Variants in RILPL1 observed in about 807,000 individuals in gnomAD.
RILPL1 encodes Rab interacting lysosomal protein like 1.
In RILPL1, 33 loss-of-function variants were observed where a neutral mutation model predicts 50.3. The observed-to-expected ratio is 0.66, with a 90% CI of 0.50 to 0.88. The LOEUF (loss-of-function observed/expected upper bound fraction) is 0.88, where lower values mean the gene tolerates loss of function less well. RILPL1 is among the 40% of genes least tolerant of loss of function. The pLI is 0.00. For synonymous variants in RILPL1, 205 were observed against 228.6 expected (o/e 0.90, Z 0.93); for missense variants, 418 against 542.5 (o/e 0.77, Z 2.28).
At chr12:123,527,611 C>T (rs1016494544) in intron 1 of RILPL1, among the ~76,000 whole-genome samples, 2 of 148,702 alleles carry the variant, frequency 1.3e-5, no homozygotes, top group African/African-American at 2.5e-5. Flanking sequence ...TGCAGTGAGC[C>T]GAGATCATGC....
chr12:123,531,608 T>C (rs1394295856), intron 1 of RILPL1, among the ~76,000 whole-genome samples: 1 of 152,182 alleles, frequency 6.6e-6, no homozygotes, highest in Non-Finnish European at 1.5e-5. Flanking sequence ...CCTCAATGAA[T>C]GTCTCTCCAG....
At chr12:123,499,810 A>G (rs1414437696) in intron 2 of RILPL1, among the ~76,000 whole-genome samples, 1 of 151,890 alleles carries the variant, frequency 6.6e-6, no homozygotes, top group Non-Finnish European at 1.5e-5. Context: ...TTCATTTTTC[A>G]GGCCTCAGCC....
chr12:123,504,926 G>A (rs915326082), intron 2 of RILPL1, among the ~76,000 whole-genome samples: 2 of 152,150 alleles, frequency 1.3e-5, no homozygotes, highest in African/African-American at 2.4e-5. Flanking sequence ...GTGTCACCAC[G>A]GGGCAGACTC....
chr12:123,502,321 G>A (rs1452163622), intron 2 of RILPL1, among the ~76,000 whole-genome samples: 2 of 152,212 alleles, frequency 1.3e-5, no homozygotes, highest in African/African-American at 2.4e-5. Flanking sequence ...GGCAGACGTC[G>A]TAGCAGAAGT....
chr12:123,529,596 T>A (rs1336969001), intron 1 of RILPL1, among the ~76,000 whole-genome samples: 2 of 137,454 alleles, frequency 1.5e-5, no homozygotes, highest in Non-Finnish European at 3.2e-5. Context: ...TTTTTTTTTT[T>A]AATCTATCCT....
intron 2 of RILPL1, among the ~76,000 whole-genome samples, chr12:123,502,125 C>T (rs1028683395): frequency 6.6e-6 from 1 of 150,772 alleles, no homozygotes; most frequent in Non-Finnish European, 1.5e-5. Context: ...GGGAGTAGAG[C>T]GTTGCAATGG....
intron 1 of RILPL1, among the ~76,000 whole-genome samples, chr12:123,529,769 G>A (rs1885384603): frequency 6.6e-6 from 1 of 151,530 alleles, no homozygotes; most frequent in Non-Finnish European, 1.5e-5. Context: ...AGCTACTCAG[G>A]AGGCTGAGGC....
chr12:123,518,219 C>A (rs1040029622), intron 2 of RILPL1, among the ~76,000 whole-genome samples: 1 of 152,094 alleles, frequency 6.6e-6, no homozygotes, highest in Non-Finnish European at 1.5e-5. Flanking sequence ...ATGATTAAGA[C>A]AGGGCCGGGT....
chr12:123,507,768 C>T (rs1417589969), intron 2 of RILPL1, among the ~76,000 whole-genome samples: 1 of 151,304 alleles, frequency 6.6e-6, no homozygotes, highest in Admixed American at 6.6e-5. Context: ...ATGGAGAAAC[C>T]CCATCTCTAC....
intron 2 of RILPL1, chr12:123,513,900 G>C (rs972324264): frequency 1.3e-5 from 2 of 152,198 alleles, no homozygotes; most frequent in African/African-American, 4.8e-5. Flanking sequence ...CCACACGTGT[G>C]GGAGTGAGAA....
intron 4 of RILPL1, among the ~76,000 whole-genome samples, chr12:123,488,444 CAAAAAAAA>C (rs542226782): frequency 2.6e-5 from 2 of 77,002 alleles, no homozygotes; most frequent in South Asian, 4.8e-4. Context: ...GACCCTGTCT[CAAAAAAAA>C]AAAAAAAAAA....
At chr12:123,528,986 C>T (rs1008794008) in intron 1 of RILPL1, among the ~76,000 whole-genome samples, 1 of 152,096 alleles carries the variant, frequency 6.6e-6, no homozygotes, top group Admixed American at 6.6e-5. Context: ...CCTACAAGCC[C>T]CGGCACCTTC....
At chr12:123,504,786 T>C (rs1351699269) in intron 2 of RILPL1, among the ~76,000 whole-genome samples, 1 of 152,162 alleles carries the variant, frequency 6.6e-6, no homozygotes, top group Admixed American at 6.6e-5. Context: ...TATTTTTTTT[T>C]CTCAAAGTCT....
chr12:123,472,382 A>T lies in RILPL1; in HGVS notation c.*156T>A. 1.4e-6 allele frequency: 1 copy of T among 737,836 alleles called. No individual in the cohort carries two copies. Among genetic ancestry groups the T allele is most frequent in the African/African-American group, 1.8e-5 (1 of 56,508 alleles). 45.7% of individuals were successfully genotyped at this position (737,836 alleles called of 1,614,324 possible). A position where few individuals can be genotyped will look rare whatever the true frequency, so the allele number is the denominator to read the frequency against. ...CTTTAGAGTTTGGCGTCAGTTTTTC[A>T]ATGTCCATCCTCAAATCAGACAGTC... On this transcript the variant is annotated 3_prime_UTR_variant, in exon 7 of 7. Transcript: ENST00000376874.
intron 1 of RILPL1, among the ~76,000 whole-genome samples, chr12:123,528,857 T>A (rs1337580339): frequency 6.6e-6 from 1 of 152,072 alleles, no homozygotes; most frequent in African/African-American, 2.4e-5. Context: ...AGTTGACCAC[T>A]CAGAATCTCA....
chr12:123,503,254 G>T (rs768008311), intron 2 of RILPL1, among the ~76,000 whole-genome samples: 22 of 136,602 alleles, frequency 1.6e-4, no homozygotes, highest in Admixed American at 3.2e-4. Context: ...AGGCTGGAGT[G>T]CAGTGGCGCG....
At chr12:123,497,612 G>C (rs1462724058) in intron 4 of RILPL1, among the ~76,000 whole-genome samples, 2 of 152,042 alleles carry the variant, frequency 1.3e-5, no homozygotes, top group African/African-American at 4.8e-5. Flanking sequence ...GGCTGATCCT[G>C]AACTCCTGAC....
In RILPL1 at chr12:123,497,075, G is replaced by A. The variant is rs9697644; in HGVS notation, c.801+1469C>T. 6.4e-3 allele frequency among the ~76,000 whole-genome samples: 977 copies of A among 152,288 alleles called. 11 individuals carry two copies. The highest frequency in any genetic ancestry group is 0.023 in the African/African-American group (940 of 41,562). On this transcript the variant is annotated intron_variant, in intron 4 of 6. Transcript: ENST00000376874. ...TTTTGGGCCTGGCTTCTTTCACTCC[G>A]CGTGATGTTTTTGCAGCTCATCCGT...
chr12:123,503,773 G>A (rs537134788), intron 2 of RILPL1, among the ~76,000 whole-genome samples: 68 of 151,890 alleles, frequency 4.5e-4, no homozygotes, highest in African/African-American at 1.5e-3. Flanking sequence ...AGGCTGAGGC[G>A]GGTGGATCAC....
Sources: allele counts gnomAD v4.1 joint callset (sites outside exome capture counted in the v4.1 genomes callset), GRCh38; gene constraint gnomAD v4.1.1; transcripts MANE v1.5; gene names NCBI Gene and HGNC (gene_info 2026-07-23, HGNC 2026-07-21).